OGFOD2: variants seen among roughly 807,000 people sequenced by gnomAD.
OGFOD2 encodes the protein 2-oxoglutarate and iron dependent oxygenase domain containing 2.
In OGFOD2, 34 loss-of-function variants were observed where a neutral mutation model predicts 31.1. The observed-to-expected ratio is 1.09, with a 90% CI of 0.83 to 1.45. OGFOD2 has a LOEUF of 1.45. OGFOD2 is among the 40% of genes most tolerant of loss of function. The pLI is 0.00. For missense variants in OGFOD2, 537 were observed against 433.9 expected (o/e 1.24, Z -2.11); for synonymous variants, 240 against 192.3 (o/e 1.25, Z -2.05).
At chr12:122,976,304 A>C in intron 2 of OGFOD2, 1 of 1,405,484 alleles carries the variant, frequency 7.1e-7, no homozygotes, top group Non-Finnish European at 1.0e-6. Context: ...CCCTGGAGTC[A>C]GTGGTGGGAA....
chr12:122,976,530 T>C (rs1026998309), intron 2 of OGFOD2, 124 bp from the exon 3 acceptor site: 19 of 1,312,720 alleles, frequency 1.4e-5, no homozygotes, highest in Non-Finnish European at 1.9e-5. Context: ...GATTCAGGAG[T>C]GTAGGCTAGA....
At chr12:122,976,312 G>A (rs753042138) in intron 2 of OGFOD2, 6 of 1,523,386 alleles carry the variant, frequency 3.9e-6, no homozygotes, top group African/African-American at 1.4e-5. Context: ...TCAGTGGTGG[G>A]AAGCTTCCCA....
intron 2 of OGFOD2, chr12:122,976,302 T>C (rs766524225): frequency 1.4e-6 from 2 of 1,408,548 alleles, no homozygotes; most frequent in Non-Finnish European, 2.0e-6. Context: ...TCCCCTGGAG[T>C]CAGTGGTGGG....
Position 122,975,226 on chromosome 12 carries a change from G to A in OGFOD2, c.-26G>A, listed in dbSNP as rs555207983. On this transcript the variant is annotated 5_prime_UTR_variant, in exon 1 of 7. Coordinates refer to ENST00000228922, the Ensembl canonical transcript of OGFOD2. ...GCGTGCCCGAAGTCTCTCTACGGAAGCTGGTAGGGCTGTGGGTGCTTCACT... is the reference window on the plus strand; with the variant it reads ...GCGTGCCCGAAGTCTCTCTACGGAAACTGGTAGGGCTGTGGGTGCTTCACT... The A allele has an allele frequency of 1.2e-4, 71 of 606,914 alleles. No homozygotes were observed. The highest frequency in any genetic ancestry group is 4.2e-4 in the African/African-American group (23 of 54,190). The allele number at this position is 606,914 out of a possible 1,614,324, so 37.6% of individuals were successfully genotyped here. A position where few individuals can be genotyped will look rare whatever the true frequency, so the allele number is the denominator to read the frequency against.
At position 122,978,829 on chromosome 12, in the gene OGFOD2, C is replaced by G. The variant is rs1293154304; in HGVS notation, c.608C>G (p.Ala203Gly). The change falls in exon 6 of 7, where the codon GCC becomes GGC. Residue 203 changes from alanine to glycine, a missense_variant. By Grantham distance (60) the Ala-to-Gly change is moderately conservative (BLOSUM62 0). Transcript: ENST00000228922. Reference sequence around the variant, plus strand: ...GAGCGCTTCCTGCAGCCGCTGATGGCCCTGCTGTACCCTGACTGTGGCGGG... The same window carrying G: ...GAGCGCTTCCTGCAGCCGCTGATGGGCCTGCTGTACCCTGACTGTGGCGGG... 2.5e-6 allele frequency: 4 copies of G among 1,612,726 alleles called. No individual in the cohort carries two copies. In the South Asian group the frequency reaches 3.3e-5, roughly 13 times the overall value.
chr12:122,978,167 T>C (rs1312360833), intron 4 of OGFOD2: 2 of 327,682 alleles, frequency 6.1e-6, no homozygotes, highest in Non-Finnish European at 1.2e-5. Context: ...CCTGGGCTAC[T>C]TCCTTCCCCT....
At chr12:122,975,991 C>T (rs1192775489) in intron 2 of OGFOD2, 124 bp downstream of exon 2, 39 of 647,130 alleles carry the variant, frequency 6.0e-5, no homozygotes, top group Non-Finnish European at 5.7e-5. Context: ...TCACTTTCCT[C>T]CTTCCTGCCC....
At chr12:122,976,020 C>T in intron 2 of OGFOD2, 153 bp downstream of exon 2, 1 of 620,056 alleles carries the variant, frequency 1.6e-6, no homozygotes, top group South Asian at 1.8e-5. Context: ...TCCCTCCACA[C>T]CTGAGTCTTG....
At chr12:122,978,700 C>A in intron 5 of OGFOD2, 53 bp from the exon 6 acceptor site, 1 of 1,588,330 alleles carries the variant, frequency 6.3e-7, no homozygotes, top group African/African-American at 1.3e-5. Context: ...GGAGTGGAAG[C>A]CCAGGGTTGC....
chr12:122,975,242 G>A lies in OGFOD2; in HGVS notation c.-10G>A, dbSNP rs1373731426. 9.0e-6 allele frequency: 6 copies of A among 670,234 alleles called. No homozygotes were observed. The highest frequency in any genetic ancestry group is 1.6e-5 in the Non-Finnish European group (6 of 365,212). The allele number at this position is 670,234 out of a possible 1,614,324, so 41.5% of individuals were successfully genotyped here. A position where few individuals can be genotyped will look rare whatever the true frequency, so the allele number is the denominator to read the frequency against. ...TCTACGGAAGCTGGTAGGGCTGTGG[G>A]TGCTTCACTATGGCGACGGTGGGGG... is the stretch of plus-strand genomic sequence containing the variant. On this transcript the variant is annotated 5_prime_UTR_variant, in exon 1 of 7. Coordinates refer to ENST00000228922, the Ensembl canonical transcript of OGFOD2.
rs2037496607 is a variant in OGFOD2 at position 122,978,439 on chromosome 12, CAG to C, written c.404_405del. The C allele has an allele frequency of 2.5e-6, 4 of 1,613,088 alleles. No homozygotes were observed. The highest frequency in any genetic ancestry group is 3.4e-6 in the Non-Finnish European group (4 of 1,179,676). On this transcript the variant is annotated splice_acceptor_variant, in intron 4 of 6. Coordinates refer to ENST00000228922, the Ensembl canonical transcript of OGFOD2. LOFTEE classifies it high-confidence loss of function. Reference sequence around the variant, plus strand: ...GGCCAACAGACCATCCCTCCTTCCACAGAGGAGAAGCGCATCTACCGGGTGCC... The same window carrying C: ...GGCCAACAGACCATCCCTCCTTCCACAGGAGAAGCGCATCTACCGGGTGCC...
chr12:122,975,315 T>G (rs1238866409), exon 1 of OGFOD2: 1 of 702,208 alleles, frequency 1.4e-6, no homozygotes, highest in African/African-American at 1.7e-5. Flanking sequence ...CGATAACTTG[T>G]ACGTGGCGCG....
rs571727952 is a variant in OGFOD2 at position 122,979,161 on chromosome 12, C to T, written c.868C>T (p.His290Tyr). 3.5e-5 allele frequency: 57 copies of T among 1,610,658 alleles called. 1 individual carries two copies. The South Asian group carries it at 5.9e-4, about 17-fold the overall frequency. The stretch of plus-strand genomic sequence containing the variant: ...TGTCCTCCACCGTGGCGGCCAGCTG[C>T]ATGGAGCCCGGCCCTTGGGCACTGG... Residue 290 changes from histidine to tyrosine, a missense_variant, in exon 7 of 7, where the codon CAT (histidine) becomes TAT (tyrosine). By Grantham distance (83) the His-to-Tyr change is moderately conservative. Transcript: ENST00000228922.
At chr12:122,979,315 C>T in exon 7 of OGFOD2, 1 of 1,611,938 alleles carries the variant, frequency 6.2e-7, no homozygotes, top group East Asian at 2.2e-5. Context: ...CGAGAGGAGC[C>T]CGCCACGGTG....
At chr12:122,979,434 C>T in exon 7 of OGFOD2, 3 of 1,447,146 alleles carry the variant, frequency 2.1e-6, no homozygotes, top group Non-Finnish European at 2.8e-6. Context: ...CCGCAGCCTA[C>T]TGCACTTCTT....
At chr12:122,977,704 C>T (rs927987711) in intron 4 of OGFOD2, 1 of 154,738 alleles carries the variant, frequency 6.5e-6, no homozygotes. Flanking sequence ...GGGCTAGGGG[C>T]TCCTGTGGGA....
chr12:122,975,967 G>A (rs1594094730), intron 2 of OGFOD2, 100 bp downstream of exon 2: 1 of 668,784 alleles, frequency 1.5e-6, no homozygotes, highest in Non-Finnish European at 2.8e-6. Context: ...ATCCCTGAAG[G>A]GTCACTTAGG....
At chr12:122,974,914 G>T (rs1002014766), upstream of OGFOD2, 14 of 210,404 alleles carry the variant, frequency 6.7e-5, no homozygotes, top group African/African-American at 3.2e-4. Context: ...CAGACGGCGG[G>T]GGGTGGGTCG....
At chr12:122,975,097 T>A (rs918102908), upstream of OGFOD2, 3 of 498,652 alleles carry the variant, frequency 6.0e-6, no homozygotes, top group Non-Finnish European at 3.6e-6. Flanking sequence ...GGAGCATCTT[T>A]CTCCGCAGAC....
Sources: allele counts gnomAD v4.1 joint callset, GRCh38; gene constraint gnomAD v4.1.1; transcripts MANE v1.5; gene names NCBI Gene and HGNC (gene_info 2026-07-23, HGNC 2026-07-21).